Variants in ARL6 observed in about 807,000 individuals in gnomAD.
ARL6 encodes ARF like GTPase 6, also known as ADP-ribosylation factor-like protein 6.
Under a neutral mutation model 27.1 loss-of-function variants are expected in ARL6, and 18 were observed. That is an observed-to-expected ratio of 0.66 (90% CI 0.46 to 0.98). The LOEUF (loss-of-function observed/expected upper bound fraction) is 0.98. Among genes scored for constraint, ARL6 ranks in the 50% least tolerant of loss-of-function variants. The pLI, the probability that ARL6 is intolerant of heterozygous loss-of-function variation, is 0.00. For missense variants in ARL6, 187 were observed against 214.9 expected (o/e 0.87, Z 0.81); for synonymous variants, 65 against 72.3 (o/e 0.90, Z 0.51).
intron 7 of ARL6, 49 bp from the exon 8 acceptor site, chr3:97,797,975 G>T (rs374740795): frequency 1.3e-6 from 2 of 1,557,984 alleles, no homozygotes; most frequent in African/African-American, 2.7e-5. Flanking sequence ...TTAGAAAATA[G>T]ATTTTGCCCT....
intron 2 of ARL6, among the ~76,000 whole-genome samples, chr3:97,774,210 T>C (rs1559673967): frequency 6.6e-6 from 1 of 152,170 alleles, no homozygotes; most frequent in African/African-American, 2.4e-5. Context: ...TTATATAAAT[T>C]AGAAAACTCG....
At chr3:97,774,957 G>A (rs533345052) in intron 2 of ARL6, among the ~76,000 whole-genome samples, 1 of 152,280 alleles carries the variant, frequency 6.6e-6, no homozygotes, top group East Asian at 1.9e-4. Flanking sequence ...AAGGTATTAT[G>A]TATAGAGTCA....
At chr3:97,776,850 G>C (rs766588121) in intron 2 of ARL6, among the ~76,000 whole-genome samples, 1 of 152,076 alleles carries the variant, frequency 6.6e-6, no homozygotes, top group African/African-American at 2.4e-5. Context: ...GTAGAGACGA[G>C]GTTTCACCAT....
At chr3:97,786,149 G>A (rs900392787) in intron 5 of ARL6, among the ~76,000 whole-genome samples, 3 of 151,814 alleles carry the variant, frequency 2.0e-5, no homozygotes, top group Admixed American at 6.6e-5. Context: ...TCAGGAGTTC[G>A]AGACCAGCCT....
intron 1 of ARL6, among the ~76,000 whole-genome samples, chr3:97,765,263 AAATTAT>A (rs1226971939): frequency 6.7e-6 from 1 of 149,824 alleles, no homozygotes; most frequent in Non-Finnish European, 1.5e-5. Context: ...AGTGTAATTT[AAATTAT>A]ATCATAAAAA....
At chr3:97,776,928 G>A (rs187714678) in intron 2 of ARL6, among the ~76,000 whole-genome samples, 506 of 152,262 alleles carry the variant, frequency 3.3e-3, no homozygotes, top group African/African-American at 0.012. Flanking sequence ...CAAAGTGCTG[G>A]GATTACAGGC....
chr3:97,788,098 A>G lies in ARL6; in HGVS notation c.458A>G (p.Lys153Arg), dbSNP rs771963434. 5 of 1,613,168 alleles carry G rather than the reference A, an allele frequency of 3.1e-6. No individual in the cohort carries two copies. The highest frequency in any genetic ancestry group is 1.7e-5 in the Admixed American group (1 of 59,944). The change falls in exon 6 of 8, where the codon AAA (lysine) becomes AGA (arginine). Residue 153 changes from lysine to arginine, a missense_variant. By Grantham distance (26) the Lys-to-Arg change is conservative (BLOSUM62 2). Transcript: ENST00000463745. ...CAGTTGCTGTGTTTAGAGAACATCA[A>G]AGATAAACCCTGGCATATTTGGTAA... Reference protein sequence around the residue: ...VSQLLCLENIKDKPWHICASD... With the variant: ...VSQLLCLENIRDKPWHICASD...
At position 97,791,844 on chromosome 3, in the gene ARL6, G is replaced by C. The variant is rs755120557; in HGVS notation, c.535+18G>C. On this transcript the variant is annotated intron_variant, in intron 7 of 7. Coordinates refer to ENST00000463745, the MANE Select transcript of ARL6 (RefSeq NM_001278293.3). Reference sequence around the variant, plus strand: ...GCTTCAAGGTACATTACAAAATACTGTGTGTCTTCAGCCTTTGTTTCCTTT... The same window carrying C: ...GCTTCAAGGTACATTACAAAATACTCTGTGTCTTCAGCCTTTGTTTCCTTT... 2 of 1,607,802 alleles carry C rather than the reference G, an allele frequency of 1.2e-6. No individual in the cohort carries two copies. Among genetic ancestry groups the C allele is most frequent in the Non-Finnish European group, 1.7e-6 (2 of 1,175,362 alleles).
In ARL6 at chr3:97,792,978, ATCT is replaced by A. The variant is rs151118811; in HGVS notation, c.535+1156_535+1158del. ...AGTTGTGTGTGATTTTTTTTTTTAA[ATCT>A]TCTGCATGTTGCAAACAATAGCAGG... On this transcript the variant is annotated intron_variant, in intron 7 of 7. Coordinates refer to ENST00000463745, the MANE Select transcript of ARL6 (RefSeq NM_001278293.3). Among the ~76,000 whole-genome samples, 580 of 152,122 alleles carry A rather than the reference ATCT, an allele frequency of 3.8e-3. 11 individuals are homozygous for A. The highest frequency in any genetic ancestry group is 0.013 in the African/African-American group (549 of 41,520).
At chr3:97,774,887 A>T (rs767818496) in intron 2 of ARL6, among the ~76,000 whole-genome samples, 3 of 152,176 alleles carry the variant, frequency 2.0e-5, no homozygotes, top group Non-Finnish European at 1.5e-5. Flanking sequence ...TACTTTGTCC[A>T]GTGAACTTAA....
intron 4 of ARL6, among the ~76,000 whole-genome samples, chr3:97,783,434 T>C (rs1253085659): frequency 4.6e-5 from 7 of 151,978 alleles, no homozygotes; most frequent in African/African-American, 1.4e-4. Context: ...TCTTTAACCA[T>C]TTCTCTACTC....
intron 2 of ARL6, among the ~76,000 whole-genome samples, chr3:97,773,854 C>G (rs933542005): frequency 6.6e-6 from 1 of 152,164 alleles, no homozygotes; most frequent in African/African-American, 2.4e-5. Flanking sequence ...TCTGTATTCC[C>G]TTTGCCTTCA....
rs1576419377 is a variant in ARL6, at chr3:97,764,819, C to A, written c.-186C>A. 1 of 152,280 alleles carries A rather than the reference C, an allele frequency of 6.6e-6. No homozygotes were observed. Among genetic ancestry groups the A allele is most frequent in the Non-Finnish European group, 1.5e-5 (1 of 68,084 alleles). The allele number at this position is 152,280 out of a possible 1,614,324, so 9.4% of individuals were successfully genotyped here. A position where few individuals can be genotyped will look rare whatever the true frequency, so the allele number is the denominator to read the frequency against. ...CAGAGGCTGCCGGTTTTCCCAACTT[C>A]TAGAGACGGCTTTGCTCATTACCAG... On this transcript the variant is annotated 5_prime_UTR_variant, in exon 1 of 8. Coordinates refer to ENST00000463745, the MANE Select transcript of ARL6 (RefSeq NM_001278293.3).
rs1262961185 is a variant in ARL6, at chr3:97,795,420, CTA to C, written c.536-2602_536-2601del. On this transcript the variant is annotated intron_variant, in intron 7 of 7. Transcript: ENST00000463745. Reference sequence around the variant, plus strand: ...CAGATGTGAATATTAGACTTACAAACTATGCAGGAGTATTCCAATGAAAGAAG... The same window carrying C: ...CAGATGTGAATATTAGACTTACAAACTGCAGGAGTATTCCAATGAAAGAAG... 1.7e-4 allele frequency among the ~76,000 whole-genome samples: 26 copies of C among 152,216 alleles called. 2 individuals are homozygous for C. Among genetic ancestry groups the C allele is most frequent in the Admixed American group, 1.7e-3 (26 of 15,282 alleles).
At chr3:97,797,007 TAAAAG>T (rs1445549571) in intron 7 of ARL6, among the ~76,000 whole-genome samples, 2 of 151,404 alleles carry the variant, frequency 1.3e-5, no homozygotes, top group Non-Finnish European at 2.9e-5. Flanking sequence ...ATCAAAAAAA[TAAAAG>T]GAAATAAACC....
At chr3:97,774,079 C>G (rs1005278356) in intron 2 of ARL6, among the ~76,000 whole-genome samples, 2 of 152,182 alleles carry the variant, frequency 1.3e-5, no homozygotes, top group South Asian at 4.1e-4. Flanking sequence ...TCCTTACCTC[C>G]GTTGTGGAGT....
At chr3:97,771,719 A>C (rs1463246599) in intron 2 of ARL6, among the ~76,000 whole-genome samples, 1 of 152,032 alleles carries the variant, frequency 6.6e-6, no homozygotes, top group Non-Finnish European at 1.5e-5. Context: ...CTTTTAATCC[A>C]ATTTGTTGAG....
rs555424129 is a variant in ARL6, at chr3:97,782,210, T to A, written c.254+1527T>A. Reference sequence around the variant, plus strand: ...CCTGAGTTTTCAGTACAGGATTTTTTAAATTCCTCCTCCAATTAGTTGATA... The same window carrying A: ...CCTGAGTTTTCAGTACAGGATTTTTAAAATTCCTCCTCCAATTAGTTGATA... On this transcript the variant is annotated intron_variant, in intron 4 of 7. Transcript: ENST00000463745. Among the ~76,000 whole-genome samples, 4 of 152,150 alleles carry A rather than the reference T, an allele frequency of 2.6e-5. No homozygotes were observed. The East Asian group carries it at 7.7e-4, about 29-fold the overall frequency.
In ARL6 at chr3:97,799,136, T is replaced by C. The variant is rs1275929796; in HGVS notation, c.*1087T>C. On this transcript the variant is annotated 3_prime_UTR_variant, in exon 8 of 8. Transcript: ENST00000463745. The stretch of plus-strand genomic sequence containing the variant: ...TATAGAGCAATATTGTTGATCCTGA[T>C]AAACACTGCATATAAAGAAAAACTG... 1 of 152,022 alleles carries C rather than the reference T, an allele frequency of 6.6e-6. No homozygotes were observed. Among genetic ancestry groups the C allele is most frequent in the African/African-American group, 2.4e-5 (1 of 41,448 alleles). The allele number at this position is 152,022 out of a possible 1,614,324, so 9.4% of individuals were successfully genotyped here.
Sources: allele counts gnomAD v4.1 joint callset (sites outside exome capture counted in the v4.1 genomes callset), GRCh38; gene constraint gnomAD v4.1.1; transcripts MANE v1.5; gene names NCBI Gene and HGNC (gene_info 2026-07-23, HGNC 2026-07-21).